DCLK3: variants seen among roughly 807,000 people sequenced by gnomAD.
The protein encoded by DCLK3 is doublecortin like kinase 3.
DCLK3 carries 30 observed loss-of-function variants against 46.4 expected under a neutral mutation model. That is an observed-to-expected ratio of 0.65 (90% CI 0.48 to 0.88). DCLK3 has a LOEUF of 0.88. DCLK3 is among the 40% of genes least tolerant of loss of function. The probability of loss-of-function intolerance (pLI) is 0.00; values close to 1 mark genes in which losing one functional copy is unlikely to be tolerated. For synonymous variants in DCLK3, 401 were observed against 339.2 expected (o/e 1.18, Z -2.00); for missense variants, 846 against 907.1 (o/e 0.93, Z 0.87).
chr3:36,750,295 T>G (rs1032020472), intron 1 of DCLK3, among the ~76,000 whole-genome samples: 62 of 152,180 alleles, frequency 4.1e-4, no homozygotes, highest in Admixed American at 4.0e-3. Context: ...TTGGCCAGCC[T>G]GGTCTCAAAC....
At chr3:36,739,905 A>G (rs947063691) in intron 1 of DCLK3, 18 of 152,206 alleles carry the variant, frequency 1.2e-4, no homozygotes, top group African/African-American at 4.3e-4. Context: ...GCTGCCCATG[A>G]AACACCAACA....
At position 36,738,682 on chromosome 3, in the gene DCLK3, C is replaced by A; in HGVS notation, c.485G>T (p.Arg162Met). The A allele has an allele frequency of 7.5e-7, 1 of 1,327,204 alleles. No homozygotes were observed. Among genetic ancestry groups the A allele is most frequent in the Non-Finnish European group, 9.7e-7 (1 of 1,031,098 alleles). 82.2% of individuals were successfully genotyped at this position (1,327,204 alleles called of 1,614,324 possible). A position where few individuals can be genotyped will look rare whatever the true frequency, so the allele number is the denominator to read the frequency against. ...REIRSVSDFFREGDAFIAMGK... is the reference protein window; with the variant it reads ...REIRSVSDFFMEGDAFIAMGK... Reference sequence around the variant, plus strand: ...CATAGCTATGAAAGCATCCCCTTCCCTGAAGAAATCAGAGACGCTCCTGAT... The same window carrying A: ...CATAGCTATGAAAGCATCCCCTTCCATGAAGAAATCAGAGACGCTCCTGAT... Residue 162 changes from arginine to methionine, a missense_variant, in exon 2 of 5, where the codon AGG (arginine) becomes ATG (methionine). Transcript: ENST00000636136.
Position 36,738,588 on chromosome 3 carries a change from C to A in DCLK3, c.579G>T (p.Arg193=). Residue 193 remains arginine (R), a synonymous_variant, in exon 2 of 5, where the codon CGG becomes CGT. Coordinates refer to ENST00000636136, the MANE Select transcript of DCLK3 (RefSeq NM_001394672.2). ...GGCTGTGCTGGGCCAGTGTCAGGGC[C>A]CGGGCTTTGTTGGGGTACAGTTCTT... The part of the protein sequence containing the change: ...AVEELYPNKA[R]ALTLAQHSRA... The A allele has an allele frequency of 7.1e-7, 1 of 1,410,240 alleles. No homozygotes were observed. Among genetic ancestry groups the A allele is most frequent in the Non-Finnish European group, 9.3e-7 (1 of 1,079,168 alleles). 87.4% of individuals were successfully genotyped at this position (1,410,240 alleles called of 1,614,324 possible).
Position 36,738,429 on chromosome 3 carries a change from C to G in DCLK3, c.738G>C (p.Gly246=). Residue 246 remains glycine (G), a synonymous_variant, in exon 2 of 5, where the codon GGG becomes GGC. Transcript: ENST00000636136. ...CTAGTGAAAGCTCCTCGGGGATCTT[C>G]CCCTGGTGCCTCATGGCTGCCTTGC... ...AGCKAAMRHQ[G]KIPEELSLDD... 1 of 1,477,870 alleles carries G rather than the reference C, an allele frequency of 6.8e-7. No homozygotes were observed. Among genetic ancestry groups the G allele is most frequent in the Non-Finnish European group, 9.0e-7 (1 of 1,115,234 alleles). 91.5% of individuals were successfully genotyped at this position (1,477,870 alleles called of 1,614,324 possible). A position where few individuals can be genotyped will look rare whatever the true frequency, so the allele number is the denominator to read the frequency against.
chr3:36,729,104 TC>T (rs1249141972), intron 2 of DCLK3, among the ~76,000 whole-genome samples: 4 of 152,138 alleles, frequency 2.6e-5, no homozygotes, highest in Non-Finnish European at 4.4e-5. Context: ...CAGGTGTGAT[TC>T]GATCAGAGCA....
At chr3:36,724,883 C>T (rs909868528) in intron 2 of DCLK3, among the ~76,000 whole-genome samples, 3 of 151,990 alleles carry the variant, frequency 2.0e-5, no homozygotes, top group African/African-American at 7.3e-5. Context: ...AATACAGGCC[C>T]TCATTTGGAG....
intron 1 of DCLK3, among the ~76,000 whole-genome samples, chr3:36,745,527 T>C (rs763385236): frequency 1.3e-5 from 2 of 152,236 alleles, no homozygotes; most frequent in Non-Finnish European, 2.9e-5. Context: ...GGTCAATGCA[T>C]CTAACACCAC....
intron 1 of DCLK3, among the ~76,000 whole-genome samples, chr3:36,759,329 A>G (rs1160287207): frequency 1.3e-5 from 2 of 152,148 alleles, no homozygotes; most frequent in Non-Finnish European, 2.9e-5. Flanking sequence ...TGTGGACAAA[A>G]GCAACATTGC....
At chr3:36,753,026 G>C (rs1458443405) in intron 1 of DCLK3, among the ~76,000 whole-genome samples, 1 of 152,096 alleles carries the variant, frequency 6.6e-6, no homozygotes, top group Non-Finnish European at 1.5e-5. Context: ...TCAAGGGTAG[G>C]AAAAGAACTG....
rs535342770 is a variant in DCLK3, at chr3:36,763,368, C to T, written c.82+814G>A. 5.3e-5 allele frequency among the ~76,000 whole-genome samples: 8 copies of T among 152,374 alleles called. No homozygotes were observed. The East Asian group carries it at 5.8e-4, about 11-fold the overall frequency. ...GATACTCTGAAAAGGTGTCCCCAGA[C>T]GCCTCTGCCAAGGACTGGCACAGCC... On this transcript the variant is annotated intron_variant, in intron 1 of 4. Coordinates refer to ENST00000636136, the MANE Select transcript of DCLK3 (RefSeq NM_001394672.2).
Position 36,738,844 on chromosome 3 carries a change from C to T in DCLK3, c.323G>A (p.Arg108Gln), listed in dbSNP as rs939216851. The T allele has an allele frequency of 5.7e-6, 4 of 699,538 alleles. No homozygotes were observed. The highest frequency in any genetic ancestry group is 6.2e-5 in the South Asian group (1 of 16,014). 43.3% of individuals were successfully genotyped at this position (699,538 alleles called of 1,614,324 possible). Residue 108 changes from arginine (R) to glutamine (Q), a missense_variant, in exon 2 of 5, where the codon CGA becomes CAA. Transcript: ENST00000636136. ...TVVKLGGQRP[R>Q]KITLLLNRRS... ...CCTGTTGAGGAGCAGAGTGATCTTT[C>T]GGGGGCGCTGCCCACCCAGCTTCAC...
chr3:36,757,792 C>T (rs901116803), intron 1 of DCLK3, among the ~76,000 whole-genome samples: 1 of 152,116 alleles, frequency 6.6e-6, no homozygotes, highest in African/African-American at 2.4e-5. Context: ...GTCGGTGGTA[C>T]CACCAACCAC....
rs1700962369 is a variant in DCLK3, at chr3:36,715,363, T to A, written c.2419A>T (p.Ser807Cys). 8 of 1,614,034 alleles carry A rather than the reference T, an allele frequency of 5.0e-6. No individual in the cohort carries two copies. The highest frequency in any genetic ancestry group is 6.8e-6 in the Non-Finnish European group (8 of 1,180,020). The change falls in exon 5 of 5, where the codon AGC (serine) becomes TGC (cysteine). Residue 807 changes from serine (S) to cysteine (C), a missense_variant. Coordinates refer to ENST00000636136, the MANE Select transcript of DCLK3 (RefSeq NM_001394672.2). ...TGCTCCACAACCCTCTTGTGCTGGC[T>A]CCGGAAGTGACCCTCGCTGCTGGGG... is the stretch of plus-strand genomic sequence containing the variant. ...VSPSSEGHFR[S>C]QHKRVVEQVS
At position 36,737,151 on chromosome 3, in the gene DCLK3, A is replaced by G. The variant is rs1701272577; in HGVS notation, c.1959+57T>C. 1.0e-5 allele frequency: 16 copies of G among 1,550,406 alleles called. No individual in the cohort carries two copies. The highest frequency in any genetic ancestry group is 5.1e-5 in the South Asian group (4 of 78,802). On this transcript the variant is annotated intron_variant, in intron 2 of 4. Transcript: ENST00000636136. The surrounding 1 kb of genome is among the most constrained non-coding windows in gnomAD (Gnocchi z 4.4). ...ACAGAGTATAAAACAATTAATATCA[A>G]TTTTATCCCATATTCTAAAAACACC...
chr3:36,716,221 T>C (rs765267751), intron 4 of DCLK3, among the ~76,000 whole-genome samples: 21 of 152,340 alleles, frequency 1.4e-4, no homozygotes, highest in Admixed American at 3.9e-4. Context: ...TCTCCCAGCC[T>C]GGCTCATTGA....
chr3:36,721,766 T>C (rs1701064437), intron 2 of DCLK3, 107 bp from the exon 3 acceptor site: 2 of 1,339,898 alleles, frequency 1.5e-6, no homozygotes, highest in Admixed American at 1.9e-5. Context: ...ACCATAAACC[T>C]ATATGAGATT....
rs575800301 is a variant in DCLK3, at chr3:36,737,123, G to A, written c.1959+85C>T. 287 of 1,479,036 alleles carry A rather than the reference G, an allele frequency of 1.9e-4. 5 individuals carry two copies. The South Asian group carries it at 3.7e-3, about 19-fold the overall frequency. 91.6% of individuals were successfully genotyped at this position (1,479,036 alleles called of 1,614,324 possible). ...AAAAGTAAAATTCTAGTGTGTAAAG[G>A]TGACAGAGTATAAAACAATTAATAT... On this transcript the variant is annotated intron_variant, in intron 2 of 4. Transcript: ENST00000636136. This position sits in a 1 kb window ranked among gnomAD's most constrained non-coding sequence, Gnocchi z 4.4.
chr3:36,723,186 A>G (rs1306830828), intron 2 of DCLK3, among the ~76,000 whole-genome samples: 1 of 152,212 alleles, frequency 6.6e-6, no homozygotes, highest in African/African-American at 2.4e-5. Flanking sequence ...CCCCTGCCCT[A>G]GAGATTTATG....
intron 1 of DCLK3, among the ~76,000 whole-genome samples, chr3:36,755,401 T>C (rs530775464): frequency 2.0e-5 from 3 of 152,276 alleles, no homozygotes; most frequent in Admixed American, 6.5e-5. Flanking sequence ...TACTACTTTA[T>C]ATGAGAATTT....
Sources: allele counts gnomAD v4.1 joint callset (sites outside exome capture counted in the v4.1 genomes callset), GRCh38; gene constraint gnomAD v4.1.1; non-coding constraint Gnocchi (gnomAD v3.1); transcripts MANE v1.5; gene names NCBI Gene and HGNC (gene_info 2026-07-23, HGNC 2026-07-21).